Variants in LTBP1 observed in about 807,000 individuals in gnomAD.
LTBP1 encodes latent-transforming growth factor beta-binding protein 1.
Under a neutral mutation model 207.6 loss-of-function variants are expected in LTBP1, and 129 were observed. The ratio of observed to expected loss-of-function variants is 0.62; its 90% CI spans 0.54 to 0.72. The LOEUF is 0.72. Among genes scored for constraint, LTBP1 ranks in the 30% least tolerant of loss-of-function variants. The pLI is 0.00. For missense variants in LTBP1, 2,281 were observed against 2,217.2 expected (o/e 1.03, Z -0.58); for synonymous variants, 963 against 833.7 (o/e 1.16, Z -2.67).
chr2:33,339,251 A>G (rs2094588113), intron 24 of LTBP1, among the ~76,000 whole-genome samples: 1 of 152,148 alleles, frequency 6.6e-6, no homozygotes, highest in Non-Finnish European at 1.5e-5. Context: ...GAGTGATAAT[A>G]AATTCGTTTA....
chr2:33,204,183 GT>G (rs1426686026), intron 7 of LTBP1, among the ~76,000 whole-genome samples: 1 of 152,122 alleles, frequency 6.6e-6, no homozygotes, highest in Non-Finnish European at 1.5e-5. Flanking sequence ...TGATAGTACT[GT>G]TTTTTTCCTT....
At chr2:33,380,527 C>T (rs1242680955) in intron 31 of LTBP1, among the ~76,000 whole-genome samples, 1 of 151,828 alleles carries the variant, frequency 6.6e-6, no homozygotes, top group Admixed American at 6.6e-5. Context: ...TGAGATCACG[C>T]CATTGAACTC....
chr2:33,130,545 A>G (rs928057878), intron 4 of LTBP1, among the ~76,000 whole-genome samples: 5 of 151,872 alleles, frequency 3.3e-5, no homozygotes, highest in Non-Finnish European at 7.4e-5. Flanking sequence ...ACATTTTTAT[A>G]TTTTTCTCTA....
intron 24 of LTBP1, among the ~76,000 whole-genome samples, chr2:33,327,048 A>G (rs1048453731): frequency 1.3e-5 from 2 of 152,202 alleles, no homozygotes; most frequent in African/African-American, 2.4e-5. Flanking sequence ...TCTGTAAAAA[A>G]CCATTTGCTG....
In LTBP1 at chr2:33,217,638, A is replaced by G. The variant is rs771276040; in HGVS notation, c.1788A>G (p.Lys596=). The stretch of plus-strand genomic sequence containing the variant: ...CCTGGGGCTTTAACAAATGCCAGAA[A>G]TGCCCCAAGAAACCATGTAAGTAAT... ...GTSWGFNKCQ[K]CPKKPSYHGY... The change falls in exon 8 of 34, where the codon AAA becomes AAG. Residue 596 remains lysine (K), a synonymous_variant. Coordinates refer to ENST00000404816, the MANE Select transcript of LTBP1 (RefSeq NM_206943.4). 3 of 1,613,386 alleles carry G rather than the reference A, an allele frequency of 1.9e-6. No homozygotes were observed. The highest frequency in any genetic ancestry group is 2.2e-5 in the East Asian group (1 of 44,844).
intron 31 of LTBP1, among the ~76,000 whole-genome samples, chr2:33,381,575 G>A (rs2095215028): frequency 6.6e-6 from 1 of 152,140 alleles, no homozygotes; most frequent in Non-Finnish European, 1.5e-5. Flanking sequence ...TAAGCAATTT[G>A]ATCTCTTTCA....
At chr2:33,013,900 A>T (rs553773683) in intron 2 of LTBP1, among the ~76,000 whole-genome samples, 42 of 152,340 alleles carry the variant, frequency 2.8e-4, no homozygotes, top group African/African-American at 1.0e-3. Flanking sequence ...TGAATGAAAC[A>T]TGAGATTCTG....
intron 18 of LTBP1, among the ~76,000 whole-genome samples, chr2:33,279,778 GGA>G (rs1374825415): frequency 6.6e-6 from 1 of 152,210 alleles, no homozygotes; most frequent in African/African-American, 2.4e-5. Flanking sequence ...CTCCCAGAGT[GGA>G]GAGGCCAGGT....
chr2:33,000,390 G>C lies in LTBP1; in HGVS notation c.566-20519G>C, dbSNP rs1311060748. Among the ~76,000 whole-genome samples, 2 of 135,374 alleles carry C rather than the reference G, an allele frequency of 1.5e-5. 1 individual carries two copies. The highest frequency in any genetic ancestry group is 5.1e-5 in the African/African-American group (2 of 38,836). 88.8% of individuals were successfully genotyped at this position (135,374 alleles called of 152,430 possible). A position where few individuals can be genotyped will look rare whatever the true frequency, so the allele number is the denominator to read the frequency against. ...TCTGTGAGGGACATCTGAGCCCCAC[G>C]CTCATCCTGTGGAGCATGAGCCGTG... On this transcript the variant is annotated intron_variant, in intron 2 of 33. Transcript: ENST00000404816.
At chr2:32,979,652 G>A (rs1572918657) in intron 2 of LTBP1, among the ~76,000 whole-genome samples, 1 of 152,248 alleles carries the variant, frequency 6.6e-6, no homozygotes, top group African/African-American at 2.4e-5. Flanking sequence ...TGTATATTCT[G>A]TAGCCACTGG....
In LTBP1 at chr2:33,143,654, A is replaced by C. The variant is rs535010904; in HGVS notation, c.1201+8694A>C. 9.5e-4 allele frequency among the ~76,000 whole-genome samples: 144 copies of C among 152,286 alleles called. 1 individual carries two copies. Among genetic ancestry groups the C allele is most frequent in the Non-Finnish European group, 1.3e-3 (87 of 68,026 alleles). ...ATGGGCAAAGTGCAATTAGATTTCC[A>C]TACCTTTAGTACAGCTGTTCCTGCT... On this transcript the variant is annotated intron_variant, in intron 5 of 33. Coordinates refer to ENST00000404816, the MANE Select transcript of LTBP1 (RefSeq NM_206943.4).
chr2:33,304,007 C>G (rs1030615392), intron 22 of LTBP1, among the ~76,000 whole-genome samples: 1 of 152,184 alleles, frequency 6.6e-6, no homozygotes, highest in Non-Finnish European at 1.5e-5. Context: ...ATGTTCCTCG[C>G]TTTGTCTCTT....
chr2:33,059,217 C>A lies in LTBP1; in HGVS notation c.863+38011C>A, dbSNP rs185471986. On this transcript the variant is annotated intron_variant, in intron 3 of 33. Transcript: ENST00000404816. ...TGTCCTATTAAGTATAAAATGTGAC[C>A]ATATATTTTGGATTCCAAGGTCTTT... Among the ~76,000 whole-genome samples the A allele has an allele frequency of 7.6e-4, 116 of 152,182 alleles. No homozygotes were observed. In the Middle Eastern group the frequency reaches 0.014, roughly 18 times the overall value.
chr2:33,189,227 A>C (rs900263258), intron 7 of LTBP1, among the ~76,000 whole-genome samples: 10 of 151,954 alleles, frequency 6.6e-5, no homozygotes, highest in African/African-American at 2.2e-4. Context: ...TTGGAGTCTC[A>C]CTCTGTTGCC....
chr2:33,061,024 A>G (rs1414828849), intron 3 of LTBP1, among the ~76,000 whole-genome samples: 1 of 152,200 alleles, frequency 6.6e-6, no homozygotes, highest in African/African-American at 2.4e-5. Flanking sequence ...ACTGAATTGT[A>G]GAAACTGGAG....
At chr2:33,241,950 G>A (rs1310262808) in intron 9 of LTBP1, among the ~76,000 whole-genome samples, 3 of 152,196 alleles carry the variant, frequency 2.0e-5, no homozygotes, top group East Asian at 3.8e-4. Context: ...ATGGTCAGGT[G>A]CTGTACTGTG....
At chr2:33,143,787 G>GTTTTTTTTT (rs78245020) in intron 5 of LTBP1, among the ~76,000 whole-genome samples, 1 of 141,788 alleles carries the variant, frequency 7.1e-6, no homozygotes, top group Non-Finnish European at 1.5e-5. Flanking sequence ...GTTTTTTGTT[G>GTTTTTTTTT]TTTTTTTTTT....
At chr2:32,967,303 TTTTCAG>T (rs1680157742) in intron 2 of LTBP1, among the ~76,000 whole-genome samples, 1 of 152,156 alleles carries the variant, frequency 6.6e-6, no homozygotes, top group Non-Finnish European at 1.5e-5. Flanking sequence ...TTACTTTCTA[TTTTCAG>T]TTTCATCGAT....
chr2:33,293,109 G>T (rs777990128), intron 19 of LTBP1, 51 bp from the exon 20 acceptor site: 42 of 1,580,372 alleles, frequency 2.7e-5, no homozygotes, highest in Non-Finnish European at 3.4e-5. Context: ...CTTTATCCAT[G>T]TTTTCTTTTT....
Sources: allele counts gnomAD v4.1 joint callset (sites outside exome capture counted in the v4.1 genomes callset), GRCh38; gene constraint gnomAD v4.1.1; transcripts MANE v1.5; gene names NCBI Gene and HGNC (gene_info 2026-07-23, HGNC 2026-07-21).